The following GRK5 variants were observed in gnomAD, a reference collection of about 807,000 sequenced individuals.
GRK5 encodes g protein-coupled receptor kinase GRK5.
GRK5 carries 40 observed loss-of-function variants against 78.4 expected under a neutral mutation model. The observed-to-expected ratio is 0.51, with a 90% CI of 0.40 to 0.66. GRK5 has a LOEUF of 0.66. Among genes scored for constraint, GRK5 ranks in the 30% least tolerant of loss-of-function variants. The pLI, the probability that GRK5 is intolerant of heterozygous loss-of-function variation, is 0.00. For synonymous variants in GRK5, 289 were observed against 296.8 expected (o/e 0.97, Z 0.27); for missense variants, 598 against 759.9 (o/e 0.79, Z 2.50).
intron 9 of GRK5, among the ~76,000 whole-genome samples, chr10:119,437,661 C>T (rs1264248305): frequency 6.6e-6 from 1 of 152,176 alleles, no homozygotes; most frequent in African/African-American, 2.4e-5. Flanking sequence ...ATTTCCTTCA[C>T]TCTCTCCATC....
intron 2 of GRK5, among the ~76,000 whole-genome samples, chr10:119,362,698 T>C (rs1851386072): frequency 6.6e-6 from 1 of 152,188 alleles, no homozygotes; most frequent in African/African-American, 2.4e-5. Flanking sequence ...ACTCCTCTCT[T>C]TGCTGAGTGC....
intron 2 of GRK5, among the ~76,000 whole-genome samples, chr10:119,348,210 C>T (rs1235214470): frequency 5.3e-5 from 8 of 152,198 alleles, no homozygotes; most frequent in African/African-American, 1.9e-4. Context: ...CTTCAAACTG[C>T]TGGGAAGCCC....
At position 119,380,727 on chromosome 10, in the gene GRK5, G is replaced by C. The variant is rs918845576; in HGVS notation, c.149-88G>C. The C allele has an allele frequency of 3.9e-6, 3 of 762,316 alleles. No homozygotes were observed. The Admixed American group carries it at 6.1e-5, about 16-fold the overall frequency. The allele number at this position is 762,316 out of a possible 1,614,324, so 47.2% of individuals were successfully genotyped here. ...CCAGTCACCTTCCTCCATCCATCTA[G>C]GGCTCTGAGCCCAGGTGTGGGAATG... On this transcript the variant is annotated intron_variant, in intron 2 of 15. Coordinates refer to ENST00000392870, the MANE Select transcript of GRK5 (RefSeq NM_005308.3).
At chr10:119,244,737 CA>C (rs1346581226) in intron 1 of GRK5, among the ~76,000 whole-genome samples, 1 of 151,938 alleles carries the variant, frequency 6.6e-6, no homozygotes, top group Non-Finnish European at 1.5e-5. Flanking sequence ...CCTGTCTCAA[CA>C]AAACAAAACA....
At position 119,431,729 on chromosome 10, in the gene GRK5, C is replaced by T. The variant is rs4752309; in HGVS notation, c.738+202C>T. Among the ~76,000 whole-genome samples, 608 of 152,346 alleles carry T rather than the reference C, an allele frequency of 4.0e-3. 2 individuals are homozygous for T. The highest frequency in any genetic ancestry group is 6.8e-3 in the Middle Eastern group (2 of 294). The stretch of plus-strand genomic sequence containing the variant: ...TGTGGTCGACTGTGGCTGGCTTTGT[C>T]CCATCCCCAGAGCCGGCCAGTGCCT... On this transcript the variant is annotated intron_variant, in intron 8 of 15. Transcript: ENST00000392870. The surrounding 1 kb of genome is among the most constrained non-coding windows in gnomAD (Gnocchi z 4.8).
intron 1 of GRK5, among the ~76,000 whole-genome samples, chr10:119,262,925 T>C (rs551674863): frequency 4.6e-5 from 7 of 152,336 alleles, no homozygotes; most frequent in Admixed American, 2.0e-4. Context: ...TTGCAGGAGA[T>C]ATTAATAGAT....
intron 4 of GRK5, among the ~76,000 whole-genome samples, chr10:119,401,305 T>C (rs1461946702): frequency 6.6e-6 from 1 of 152,124 alleles, no homozygotes; most frequent in Non-Finnish European, 1.5e-5. Flanking sequence ...GTGCCTGAAG[T>C]TTTTATCTCA....
rs765439908 is a variant in GRK5, at chr10:119,423,210, G to A, written c.384G>A (p.Gln128=). The A allele has an allele frequency of 6.2e-7, 1 of 1,614,178 alleles. No homozygotes were observed. The highest frequency in any genetic ancestry group is 2.2e-5 in the East Asian group (1 of 44,884). The change falls in exon 5 of 16, where the codon CAG becomes CAA. Residue 128 remains glutamine (Q), a synonymous_variant. Coordinates refer to ENST00000392870, the MANE Select transcript of GRK5 (RefSeq NM_005308.3). Reference sequence around the variant, plus strand: ...AAGTTGGCCAAGACCTGGTCTCCCAGACGGAGGAGAAGCTCCTACAGAAGC... The same window carrying A: ...AAGTTGGCCAAGACCTGGTCTCCCAAACGGAGGAGAAGCTCCTACAGAAGC... ...IAQVGQDLVS[Q]TEEKLLQKPC... is the part of the protein sequence containing the mutation.
chr10:119,238,572 A>G lies in GRK5; in HGVS notation c.52+30603A>G, dbSNP rs1224649331. Among the ~76,000 whole-genome samples the G allele has an allele frequency of 6.6e-6, 1 of 152,178 alleles. No individual in the cohort carries two copies. The highest frequency in any genetic ancestry group is 6.5e-5 in the Admixed American group (1 of 15,278). ...CCCTGGATCCTTTGGCTTCTTGGAC[A>G]ATATGCAGGAAAACACCCGCCTTCT... On this transcript the variant is annotated intron_variant, in intron 1 of 15. Coordinates refer to ENST00000392870, the MANE Select transcript of GRK5 (RefSeq NM_005308.3). The surrounding 1 kb of genome is among the most constrained non-coding windows in gnomAD (Gnocchi z 4.7).
rs1198508709 is a variant in GRK5 at position 119,452,161 on chromosome 10, T to TG, written c.1405-509dup. Among the ~76,000 whole-genome samples, 3 of 152,212 alleles carry TG rather than the reference T, an allele frequency of 2.0e-5. No homozygotes were observed. Among genetic ancestry groups the TG allele is most frequent in the Non-Finnish European group, 1.5e-5 (1 of 68,024 alleles). ...GGGCGCCAGGCTCGGTGGCCAGCAC[T>TG]GACAGCAGCCCCATCGCCCAGGTGC... On this transcript the variant is annotated intron_variant, in intron 13 of 15. Coordinates refer to ENST00000392870, the MANE Select transcript of GRK5 (RefSeq NM_005308.3). This position sits in a 1 kb window ranked among gnomAD's most constrained non-coding sequence, Gnocchi z 4.4.
chr10:119,403,853 T>A (rs1852191071), intron 4 of GRK5, among the ~76,000 whole-genome samples: 1 of 152,152 alleles, frequency 6.6e-6, no homozygotes, highest in African/African-American at 2.4e-5. Context: ...CAGGCTGGTC[T>A]CGAACTCCTG....
intron 1 of GRK5, among the ~76,000 whole-genome samples, chr10:119,289,914 G>C (rs1849919831): frequency 6.6e-6 from 1 of 152,204 alleles, no homozygotes. Flanking sequence ...TAAATGTATA[G>C]TATTTAAAAC....
chr10:119,217,544 C>T lies in GRK5; in HGVS notation c.52+9575C>T, dbSNP rs1027168658. Among the ~76,000 whole-genome samples the T allele has an allele frequency of 3.9e-5, 6 of 152,228 alleles. No homozygotes were observed. Among genetic ancestry groups the T allele is most frequent in the African/African-American group, 1.4e-4 (6 of 41,452 alleles). ...CACATCGGACAAGCGAGGCCAGCCT[C>T]TTGCGTTATTTTTCCCCTCAGCATG... is the stretch of plus-strand genomic sequence containing the variant. On this transcript the variant is annotated intron_variant, in intron 1 of 15. Transcript: ENST00000392870. This position sits in a 1 kb window ranked among gnomAD's most constrained non-coding sequence, Gnocchi z 4.1.
intron 2 of GRK5, among the ~76,000 whole-genome samples, chr10:119,375,423 C>T (rs1280830222): frequency 3.3e-5 from 5 of 152,210 alleles, no homozygotes; most frequent in Non-Finnish European, 7.3e-5. Context: ...CCATGGCCAC[C>T]ACCCCTGAAA....
chr10:119,313,899 C>T (rs762348609), intron 1 of GRK5, among the ~76,000 whole-genome samples: 3 of 152,178 alleles, frequency 2.0e-5, no homozygotes, highest in Non-Finnish European at 2.9e-5. Flanking sequence ...CTTTGGAAAC[C>T]CCAACTGTGT....
chr10:119,400,266 C>A (rs1397644282), intron 4 of GRK5, among the ~76,000 whole-genome samples: 7 of 152,174 alleles, frequency 4.6e-5, no homozygotes, highest in Non-Finnish European at 1.0e-4. Flanking sequence ...AGTGTGGGGT[C>A]AGGTGAGCTA....
Position 119,326,578 on chromosome 10 carries a change from A to T in GRK5, c.115A>T (p.Ile39Phe). ...GAAAGAAATCCTGAAGTTCCCTCACATTAGCCAGTGTGAAGACCTCCGAAG... is the reference window on the plus strand; with the variant it reads ...GAAAGAAATCCTGAAGTTCCCTCACTTTAGCCAGTGTGAAGACCTCCGAAG... ...KWKEILKFPH[I>F]SQCEDLRRTI... Residue 39 changes from isoleucine to phenylalanine, a missense_variant, in exon 2 of 16, where the codon ATT becomes TTT. Transcript: ENST00000392870. 1 of 1,614,184 alleles carries T rather than the reference A, an allele frequency of 6.2e-7. No homozygotes were observed. The highest frequency in any genetic ancestry group is 1.1e-5 in the South Asian group (1 of 91,086).
At chr10:119,347,452 T>C (rs1368075200) in intron 2 of GRK5, among the ~76,000 whole-genome samples, 3 of 152,168 alleles carry the variant, frequency 2.0e-5, no homozygotes, top group South Asian at 2.1e-4. Context: ...TGTTTGCAAG[T>C]ATGTGCGTGT....
intron 1 of GRK5, among the ~76,000 whole-genome samples, chr10:119,263,725 C>T (rs987431438): frequency 1.3e-5 from 2 of 152,004 alleles, no homozygotes; most frequent in Non-Finnish European, 2.9e-5. Context: ...AGATCGAGAC[C>T]GTACTGGCTA....
Sources: gnomAD v4.1 joint callset for allele counts (sites outside exome capture counted in the v4.1 genomes callset) on GRCh38, gnomAD v4.1.1 for gene constraint, Gnocchi (gnomAD v3.1) non-coding constraint, MANE v1.5 for transcripts, NCBI Gene and HGNC (gene_info 2026-07-23, HGNC 2026-07-21) for gene names.